The following COPS9 variants were observed in gnomAD, a reference collection of about 807,000 sequenced individuals.
The protein encoded by COPS9 is COP9 signalosome subunit 9.
Under a neutral mutation model 7.2 loss-of-function variants are expected in COPS9, and 8 were observed. The ratio of observed to expected loss-of-function variants is 1.11; its 90% CI spans 0.65 to 2.00. COPS9 has a LOEUF of 2.00. Among genes scored for constraint, COPS9 ranks in the 30% most tolerant of loss-of-function variants. COPS9 has a pLI of 0.00. For synonymous variants in COPS9, 39 were observed against 28.7 expected, an observed-to-expected ratio of 1.36 and a Z score of -1.14; for missense variants, 74 against 77.7, an observed-to-expected ratio of 0.95 and a Z score of 0.18.
downstream of COPS9, among the ~76,000 whole-genome samples, chr2:240,129,565 T>C (rs1432031904): frequency 6.6e-6 from 1 of 152,154 alleles, no homozygotes; most frequent in South Asian, 2.1e-4. Flanking sequence ...TACCACTGTG[T>C]ACTGCAGGCC....
chr2:240,129,456 G>C (rs2071898973), downstream of COPS9, among the ~76,000 whole-genome samples: 1 of 152,132 alleles, frequency 6.6e-6, no homozygotes, highest in Non-Finnish European at 1.5e-5. Flanking sequence ...GTGAGCCACT[G>C]TGCCCAGCCC....
At chr2:240,135,853 G>GA (rs1231453208) in intron 1 of COPS9, 2 of 80,326 alleles carry the variant, frequency 2.5e-5, no homozygotes, top group African/African-American at 2.6e-4. Context: ...AATCCCACAC[G>GA]AGGTTATGGA....
downstream of COPS9, among the ~76,000 whole-genome samples, chr2:240,130,298 AAC>A (rs1574946492): frequency 1.3e-5 from 2 of 152,196 alleles, no homozygotes; most frequent in East Asian, 3.9e-4. Flanking sequence ...TGGCCTGAGA[AAC>A]ACTCTTCACT....
intron 2 of COPS9, among the ~76,000 whole-genome samples, chr2:240,133,284 T>C (rs2071940081): frequency 6.6e-6 from 1 of 152,262 alleles, no homozygotes; most frequent in Non-Finnish European, 1.5e-5. Context: ...ATATCATCTA[T>C]AGGAATAAGG....
At chr2:240,129,789 CACGCCT>C, downstream of COPS9, 1 of 766,126 alleles carries the variant, frequency 1.3e-6, no homozygotes, top group Non-Finnish European at 2.2e-6. Context: ...AGACGACGTG[CACGCCT>C]GGCCGCTGGA....
At chr2:240,135,968 G>A (rs932010164) in intron 1 of COPS9, 8 of 537,972 alleles carry the variant, frequency 1.5e-5, no homozygotes, top group Admixed American at 8.8e-5. Context: ...CACCCAGCAG[G>A]CACTCAACCC....
chr2:240,133,834 T>G (rs1211079952), intron 2 of COPS9, 99 bp downstream of exon 2: 8 of 1,244,346 alleles, frequency 6.4e-6, no homozygotes, highest in Non-Finnish European at 9.4e-6. Flanking sequence ...TCTACCACCT[T>G]ATGATCCAAA....
intron 2 of COPS9, among the ~76,000 whole-genome samples, chr2:240,133,726 C>A (rs1032405256): frequency 1.3e-5 from 2 of 152,224 alleles, no homozygotes; most frequent in Non-Finnish European, 2.9e-5. Context: ...CAATTTCATG[C>A]TACTTTTCTC....
At position 240,132,482 on chromosome 2, in the gene COPS9, C is replaced by G. The variant is rs1332860378; in HGVS notation, c.137-1394G>C. Among the ~76,000 whole-genome samples, 1 of 152,128 alleles carries G rather than the reference C, an allele frequency of 6.6e-6. No individual in the cohort carries two copies. Among genetic ancestry groups the G allele is most frequent in the Non-Finnish European group, 1.5e-5 (1 of 68,028 alleles). On this transcript the variant is annotated intron_variant, in intron 2 of 2. Coordinates refer to ENST00000607357, the MANE Select transcript of COPS9 (RefSeq NM_001163424.2). The surrounding 1 kb of genome is among the most constrained non-coding windows in gnomAD (Gnocchi z 4.1). Reference sequence around the variant, plus strand: ...ACACAGAGCTCTCCTGCGTCCCCTCCCTGACCGGCCGTGGCTCAAAGGCAG... The same window carrying G: ...ACACAGAGCTCTCCTGCGTCCCCTCGCTGACCGGCCGTGGCTCAAAGGCAG...
chr2:240,133,118 G>A (rs757750173), intron 2 of COPS9, among the ~76,000 whole-genome samples: 7 of 152,218 alleles, frequency 4.6e-5, no homozygotes, highest in Admixed American at 2.0e-4. Flanking sequence ...ATTAGAAACC[G>A]ATGTGGCAAG....
downstream of COPS9, among the ~76,000 whole-genome samples, chr2:240,130,652 G>A (rs532990163): frequency 6.6e-6 from 1 of 152,368 alleles, no homozygotes; most frequent in African/African-American, 2.4e-5. Context: ...CACGGGCCGC[G>A]CTGCCTCCTG....
chr2:240,127,931 C>G (rs1473542887), downstream of COPS9, among the ~76,000 whole-genome samples: 2 of 152,078 alleles, frequency 1.3e-5, no homozygotes, highest in African/African-American at 4.8e-5. Context: ...TGATGGCAGG[C>G]CACTCACACC....
downstream of COPS9, among the ~76,000 whole-genome samples, chr2:240,127,992 A>G (rs1432505526): frequency 6.6e-6 from 1 of 152,146 alleles, no homozygotes; most frequent in Non-Finnish European, 1.5e-5. Context: ...CATACTTGAG[A>G]GTAGTATTTT....
At chr2:240,134,069 T>C (rs2071948958) in intron 1 of COPS9, 64 bp from the exon 2 acceptor site, 3 of 1,471,864 alleles carry the variant, frequency 2.0e-6, no homozygotes, top group Non-Finnish European at 2.8e-6. Context: ...GATAAGTGCA[T>C]TGCAGGGCCA....
chr2:240,130,988 T>C lies in COPS9; in HGVS notation c.*63A>G. ...TCTTTAAAACCACCTGAAACTGTCC[T>C]GCGCAGGCTCACACTGCGGCTCTGT... is the stretch of plus-strand genomic sequence containing the variant. On this transcript the variant is annotated 3_prime_UTR_variant, in exon 3 of 3. Coordinates refer to ENST00000607357, the MANE Select transcript of COPS9 (RefSeq NM_001163424.2). The C allele has an allele frequency of 2.5e-6, 4 of 1,592,804 alleles. No homozygotes were observed. Among genetic ancestry groups the C allele is most frequent in the Non-Finnish European group, 3.4e-6 (4 of 1,171,164 alleles).
intron 2 of COPS9, among the ~76,000 whole-genome samples, chr2:240,131,456 C>T (rs769284592): frequency 3.9e-5 from 6 of 152,176 alleles, no homozygotes; most frequent in Non-Finnish European, 7.3e-5. Context: ...CCCTCGCTGC[C>T]GGGGCCGGGG....
downstream of COPS9, chr2:240,126,860 C>G (rs774857227): frequency 6.2e-7 from 1 of 1,614,172 alleles, no homozygotes; most frequent in Non-Finnish European, 8.5e-7. Flanking sequence ...TAAACATTAG[C>G]GCCTCCGCCC....
At chr2:240,136,090 G>A in intron 1 of COPS9, 132 bp downstream of exon 1, 1 of 1,277,478 alleles carries the variant, frequency 7.8e-7, no homozygotes, top group South Asian at 1.8e-5. Flanking sequence ...CGCGGGGCAG[G>A]GAGCCTGGGA....
At position 240,133,997 on chromosome 2, in the gene COPS9, G is replaced by A; in HGVS notation, c.72C>T (p.Gly24=). The change falls in exon 2 of 3, where the codon GGC becomes GGT. Residue 24 remains glycine (G), a synonymous_variant. Transcript: ENST00000607357. ...CCAAGTCCATCAAGAGCCCGGTGCT[G>A]CCTCCCGCCTGGGGAATGGAAAGGC... ...GPYVDLDEAG[G]STGLLMDLAA... 1 of 1,614,130 alleles carries A rather than the reference G, an allele frequency of 6.2e-7. No individual in the cohort carries two copies. Among genetic ancestry groups the A allele is most frequent in the Admixed American group, 1.7e-5 (1 of 60,030 alleles).
Sources: gnomAD v4.1 joint callset for allele counts (sites outside exome capture counted in the v4.1 genomes callset) on GRCh38, gnomAD v4.1.1 for gene constraint, Gnocchi (gnomAD v3.1) non-coding constraint, MANE v1.5 for transcripts, NCBI Gene and HGNC (gene_info 2026-07-23, HGNC 2026-07-21) for gene names.